The following SHTN1 variants were observed in gnomAD, a reference collection of about 807,000 sequenced individuals.
The protein encoded by SHTN1 is shootin 1.
SHTN1 carries 42 observed loss-of-function variants against 83.1 expected under a neutral mutation model. That is an observed-to-expected ratio of 0.51 (90% CI 0.39 to 0.65). SHTN1 has a LOEUF of 0.65. Among genes scored for constraint, SHTN1 ranks in the 30% least tolerant of loss-of-function variants. The pLI is 0.00. For synonymous variants in SHTN1, 224 were observed against 247.7 expected (o/e 0.90, Z 0.90); for missense variants, 622 against 737.8 (o/e 0.84, Z 1.82).
At chr10:116,892,350 C>T (rs1312209186) in intron 16 of SHTN1, among the ~76,000 whole-genome samples, 3 of 152,194 alleles carry the variant, frequency 2.0e-5, no homozygotes, top group African/African-American at 4.8e-5. Context: ...GCGTGAACTA[C>T]GATTTCAGCT....
rs982510248 is a variant in SHTN1 at position 117,123,266 on chromosome 10, C to T, written c.-189+3041G>A. Among the ~76,000 whole-genome samples the T allele has an allele frequency of 3.9e-5, 6 of 152,208 alleles. No homozygotes were observed. The East Asian group carries it at 5.8e-4, about 15-fold the overall frequency. ...ATCTGCCTGCCTCGGCCTCCCAATA[C>T]GTGGGTTCTTTAAAAGGCAGGGGTT... On this transcript the variant is annotated intron_variant, in intron 1 of 17. Coordinates refer to the SHTN1 transcript ENST00000392901.
At chr10:116,889,909 A>G (rs1589775688) in intron 16 of SHTN1, among the ~76,000 whole-genome samples, 2 of 152,212 alleles carry the variant, frequency 1.3e-5, no homozygotes, top group East Asian at 3.9e-4. Context: ...CTTGGCTCCC[A>G]CGGGCAGCTG....
intron 6 of SHTN1, among the ~76,000 whole-genome samples, chr10:116,949,692 A>T (rs1849708728): frequency 6.6e-6 from 1 of 152,190 alleles, no homozygotes; most frequent in Non-Finnish European, 1.5e-5. Context: ...ATAAAATAAA[A>T]ATGCTGATTA....
intron 3 of SHTN1, among the ~76,000 whole-genome samples, chr10:116,967,939 T>A (rs528088975): frequency 6.6e-4 from 100 of 152,304 alleles, no homozygotes; most frequent in African/African-American, 2.3e-3. Context: ...ATTCCAGCAC[T>A]TCGGGAGGCC....
At chr10:117,092,938 AT>A in intron 1 of SHTN1, among the ~76,000 whole-genome samples, 1 of 152,326 alleles carries the variant, frequency 6.6e-6, no homozygotes, top group Middle Eastern at 3.4e-3. Flanking sequence ...TACATGAAGA[AT>A]TTGACAGAGC....
At chr10:116,972,265 A>C (rs1850644153) in intron 2 of SHTN1, among the ~76,000 whole-genome samples, 1 of 152,168 alleles carries the variant, frequency 6.6e-6, no homozygotes, top group Non-Finnish European at 1.5e-5. Context: ...AGGGGTCTTC[A>C]TGTTGCTTTG....
intron 11 of SHTN1, among the ~76,000 whole-genome samples, chr10:116,925,317 G>T (rs1004814433): frequency 1.3e-5 from 2 of 152,120 alleles, no homozygotes; most frequent in African/African-American, 4.8e-5. Context: ...CAACTAACAG[G>T]GAATTCCTCC....
Position 116,884,512 on chromosome 10 carries a change from G to C in SHTN1, c.*1832C>G, listed in dbSNP as rs1054332819. The C allele has an allele frequency of 1.5e-5, 5 of 328,608 alleles. No individual in the cohort carries two copies. The highest frequency in any genetic ancestry group is 1.2e-4 in the South Asian group (5 of 41,374). The allele number at this position is 328,608 out of a possible 1,614,324, so 20.4% of individuals were successfully genotyped here. A position where few individuals can be genotyped will look rare whatever the true frequency, so the allele number is the denominator to read the frequency against. Reference sequence around the variant, plus strand: ...AAGGGCAACTTCTTACTCTAGAAAGGAGGGTATTTTGATAACCATATTATT... The same window carrying C: ...AAGGGCAACTTCTTACTCTAGAAAGCAGGGTATTTTGATAACCATATTATT... On this transcript the variant is annotated 3_prime_UTR_variant, in exon 17 of 17. Transcript: ENST00000355371.
chr10:117,024,378 G>A (rs1405355941), intron 2 of SHTN1, among the ~76,000 whole-genome samples: 5 of 132,242 alleles, frequency 3.8e-5, no homozygotes, highest in South Asian at 4.9e-4. Context: ...TTTTTGAGAC[G>A]GAGTCTTGTT....
At chr10:116,966,048 C>T (rs1457423279) in intron 3 of SHTN1, among the ~76,000 whole-genome samples, 1 of 152,060 alleles carries the variant, frequency 6.6e-6, no homozygotes, top group African/African-American at 2.4e-5. Flanking sequence ...CACCCTGTCG[C>T]CAGTCTGGAG....
chr10:116,887,606 C>A (rs1589773313), intron 16 of SHTN1, among the ~76,000 whole-genome samples: 1 of 152,134 alleles, frequency 6.6e-6, no homozygotes, highest in East Asian at 1.9e-4. Context: ...ATTCTCTGAC[C>A]CCTTCAGCAG....
intron 1 of SHTN1, among the ~76,000 whole-genome samples, chr10:117,124,901 A>G (rs1440787358): frequency 1.3e-5 from 2 of 152,226 alleles, no homozygotes; most frequent in African/African-American, 4.8e-5. Flanking sequence ...AAGTTTTCCT[A>G]CTATTGCTAT....
intron 2 of SHTN1, among the ~76,000 whole-genome samples, chr10:117,025,855 T>C (rs1252415025): frequency 6.6e-6 from 1 of 152,122 alleles, no homozygotes; most frequent in Non-Finnish European, 1.5e-5. Context: ...GATGCAGTCC[T>C]AGCTGGATCC....
chr10:116,997,995 G>A (rs1851684808), intron 1 of SHTN1, among the ~76,000 whole-genome samples: 1 of 152,180 alleles, frequency 6.6e-6, no homozygotes, highest in Non-Finnish European at 1.5e-5. Context: ...GGGAGGCAGA[G>A]GCAGGAGAAT....
At position 116,881,703 on chromosome 10, in the gene SHTN1, C is replaced by T; in HGVS notation, c.*4641G>A. 1 of 1,433,984 alleles carries T rather than the reference C, an allele frequency of 7.0e-7. No individual in the cohort carries two copies. The highest frequency in any genetic ancestry group is 9.2e-7 in the Non-Finnish European group (1 of 1,087,906). The allele number at this position is 1,433,984 out of a possible 1,614,324, so 88.8% of individuals were successfully genotyped here. A position where few individuals can be genotyped will look rare whatever the true frequency, so the allele number is the denominator to read the frequency against. On this transcript the variant is annotated 3_prime_UTR_variant, in exon 17 of 17. Transcript: ENST00000355371. ...ACACCCCAGGTTCCAGCCACACCAT[C>T]AGTATTAGTAGACCGGGAGGTCTGA...
At chr10:117,047,340 C>A (rs1852679091) in intron 2 of SHTN1, among the ~76,000 whole-genome samples, 1 of 151,908 alleles carries the variant, frequency 6.6e-6, no homozygotes, top group Non-Finnish European at 1.5e-5. Context: ...GCTGGGATTA[C>A]AGGCGTGAGC....
intron 1 of SHTN1, among the ~76,000 whole-genome samples, chr10:117,092,239 C>T (rs1455962978): frequency 1.3e-5 from 2 of 152,092 alleles, no homozygotes; most frequent in African/African-American, 4.8e-5. Flanking sequence ...TTAAATGATC[C>T]CCAGTAAGGA....
At position 116,882,947 on chromosome 10, in the gene SHTN1, T is replaced by C. The variant is rs942395124; in HGVS notation, c.*3397A>G. The C allele has an allele frequency of 6.6e-6, 1 of 150,548 alleles. No homozygotes were observed. Among genetic ancestry groups the C allele is most frequent in the African/African-American group, 2.5e-5 (1 of 40,444 alleles). The allele number at this position is 150,548 out of a possible 1,614,324, so 9.3% of individuals were successfully genotyped here. A position where few individuals can be genotyped will look rare whatever the true frequency, so the allele number is the denominator to read the frequency against. Reference sequence around the variant, plus strand: ...GAAAGGCAGAACAAACATGACTGGGTGTTCACATACCCTTTGAAAAATACA... The same window carrying C: ...GAAAGGCAGAACAAACATGACTGGGCGTTCACATACCCTTTGAAAAATACA... On this transcript the variant is annotated 3_prime_UTR_variant, in exon 17 of 17. Transcript: ENST00000355371.
At chr10:116,910,597 TAA>T (rs1848152669) in intron 14 of SHTN1, among the ~76,000 whole-genome samples, 1 of 152,210 alleles carries the variant, frequency 6.6e-6, no homozygotes, top group Non-Finnish European at 1.5e-5. Context: ...ACCTAATTTT[TAA>T]AAAGTCAAAC....
Sources: gnomAD v4.1 joint callset for allele counts (sites outside exome capture counted in the v4.1 genomes callset) on GRCh38, gnomAD v4.1.1 for gene constraint, MANE v1.5 for transcripts, NCBI Gene and HGNC (gene_info 2026-07-23, HGNC 2026-07-21) for gene names.